Variants in FRMD4B observed in about 807,000 individuals in gnomAD.
FRMD4B encodes the protein FERM domain-containing protein 4B.
In FRMD4B, 74 loss-of-function variants were observed where a neutral mutation model predicts 141.5. The observed-to-expected ratio is 0.52, with a 90% CI of 0.43 to 0.63. The LOEUF is 0.63. Ranked by LOEUF, FRMD4B falls within the 30% of genes least tolerant of loss-of-function variation. The pLI is 0.00. For missense variants in FRMD4B, 1,366 were observed against 1,253.4 expected, an observed-to-expected ratio of 1.09 and a Z score of -1.36; for synonymous variants, 506 against 467.9, an observed-to-expected ratio of 1.08 and a Z score of -1.05.
At chr3:69,320,605 T>G (rs933083440) in intron 1 of FRMD4B, among the ~76,000 whole-genome samples, 3 of 152,182 alleles carry the variant, frequency 2.0e-5, no homozygotes, top group Middle Eastern at 3.4e-3. Context: ...GGAGTTATAT[T>G]TGAAAAGAGC....
At chr3:69,536,449 T>C (rs979205688) in intron 1 of FRMD4B, 3 of 705,726 alleles carry the variant, frequency 4.3e-6, no homozygotes, top group Non-Finnish European at 7.8e-6. Context: ...CGTTGGGTAC[T>C]TGTGCAGGAT....
intron 1 of FRMD4B, among the ~76,000 whole-genome samples, chr3:69,338,215 C>A (rs1702618490): frequency 6.6e-6 from 1 of 152,102 alleles, no homozygotes; most frequent in African/African-American, 2.4e-5. Flanking sequence ...GGACAAAAAA[C>A]CAAACTCCAC....
At chr3:69,450,740 G>C (rs1393876853) in intron 1 of FRMD4B, among the ~76,000 whole-genome samples, 1 of 151,118 alleles carries the variant, frequency 6.6e-6, no homozygotes, top group Non-Finnish European at 1.5e-5. Flanking sequence ...GGCGACAAGA[G>C]TGAAACTCCA....
intron 1 of FRMD4B, among the ~76,000 whole-genome samples, chr3:69,354,241 T>C (rs1017513680): frequency 1.3e-5 from 2 of 152,180 alleles, no homozygotes; most frequent in Non-Finnish European, 2.9e-5. Flanking sequence ...AATGAAATCA[T>C]TACTATTGAA....
chr3:69,525,359 C>G (rs1217337278), intron 1 of FRMD4B, among the ~76,000 whole-genome samples: 1 of 152,106 alleles, frequency 6.6e-6, no homozygotes, highest in Non-Finnish European at 1.5e-5. Flanking sequence ...ACTCTGGCTC[C>G]TCCCTCTGGA....
chr3:69,372,019 C>T (rs964067590), intron 1 of FRMD4B, among the ~76,000 whole-genome samples: 6 of 152,210 alleles, frequency 3.9e-5, no homozygotes, highest in Non-Finnish European at 5.9e-5. Context: ...AAACCCACCT[C>T]TCATGACCTT....
chr3:69,267,483 C>A (rs2093567934), intron 5 of FRMD4B, among the ~76,000 whole-genome samples: 1 of 151,674 alleles, frequency 6.6e-6, no homozygotes, highest in Non-Finnish European at 1.5e-5. Context: ...AAAACTGTAA[C>A]CTCCACATGG....
intron 1 of FRMD4B, among the ~76,000 whole-genome samples, chr3:69,454,418 G>T (rs1705551704): frequency 6.6e-6 from 1 of 152,208 alleles, no homozygotes; most frequent in African/African-American, 2.4e-5. Flanking sequence ...CACTCCCTCT[G>T]CTTGCTGGGA....
chr3:69,437,793 A>G (rs1232223925), intron 1 of FRMD4B, among the ~76,000 whole-genome samples: 14 of 122,434 alleles, frequency 1.1e-4, no homozygotes, highest in Non-Finnish European at 3.1e-5. Flanking sequence ...CTATATTTAT[A>G]TATATTTATA....
intron 3 of FRMD4B, among the ~76,000 whole-genome samples, chr3:69,307,543 T>C (rs1240983514): frequency 2.0e-5 from 3 of 152,104 alleles, no homozygotes; most frequent in Non-Finnish European, 4.4e-5. Context: ...TTTTGCCGTG[T>C]TGCCCAGGCT....
intron 1 of FRMD4B, among the ~76,000 whole-genome samples, chr3:69,533,653 T>G (rs1701037590): frequency 6.6e-6 from 1 of 152,214 alleles, no homozygotes; most frequent in African/African-American, 2.4e-5. Flanking sequence ...ATCTCCACTT[T>G]GGCCTTTTTT....
chr3:69,273,063 A>G (rs566432389), intron 5 of FRMD4B, among the ~76,000 whole-genome samples: 11 of 152,124 alleles, frequency 7.2e-5, no homozygotes, highest in Admixed American at 1.3e-4. Context: ...TGCTGCCTAC[A>G]TGGTAATTTT....
chr3:69,503,808 C>A (rs1451312516), intron 1 of FRMD4B, among the ~76,000 whole-genome samples: 1 of 152,166 alleles, frequency 6.6e-6, no homozygotes, highest in Non-Finnish European at 1.5e-5. Flanking sequence ...TGTTACCGGG[C>A]AGACCATCCC....
intron 5 of FRMD4B, among the ~76,000 whole-genome samples, chr3:69,267,577 A>G (rs202221028): frequency 4.4e-5 from 2 of 45,374 alleles, no homozygotes; most frequent in African/African-American, 2.1e-4. Flanking sequence ...ATATATATAT[A>G]TGTGTGTGTG....
At chr3:69,495,459 C>G (rs755038117) in intron 1 of FRMD4B, among the ~76,000 whole-genome samples, 10 of 152,176 alleles carry the variant, frequency 6.6e-5, no homozygotes, top group Non-Finnish European at 1.0e-4. Context: ...AGCTTATGCT[C>G]TCTCTCTGCC....
intron 1 of FRMD4B, among the ~76,000 whole-genome samples, chr3:69,531,808 T>C (rs1474445376): frequency 1.3e-5 from 2 of 152,202 alleles, no homozygotes; most frequent in Admixed American, 1.3e-4. Context: ...GAACCACTCA[T>C]TATCTGAACT....
intron 3 of FRMD4B, among the ~76,000 whole-genome samples, chr3:69,309,411 G>A (rs1371558363): frequency 1.3e-5 from 2 of 150,792 alleles, no homozygotes; most frequent in Non-Finnish European, 2.9e-5. Context: ...AAAAGTGTTA[G>A]GATCACAGGT....
At position 69,540,214 on chromosome 3, in the gene FRMD4B, C is replaced by G. The variant is rs185780329; in HGVS notation, c.-129+1992G>C. Among the ~76,000 whole-genome samples, 76 of 151,852 alleles carry G rather than the reference C, an allele frequency of 5.0e-4. 1 individual carries two copies. Among genetic ancestry groups the G allele is most frequent in the Admixed American group, 7.9e-4 (12 of 15,272 alleles). On this transcript the variant is annotated intron_variant, in intron 1 of 5. Coordinates refer to the FRMD4B transcript ENST00000459638. ...AAAAAAAGGAAGAATTGTAGAAACA[C>G]CAATACATCCACCACCTGTCTTGTG...
intron 4 of FRMD4B, among the ~76,000 whole-genome samples, chr3:69,295,293 A>G (rs78944320): frequency 0.012 from 1,828 of 152,220 alleles, 34 homozygotes; most frequent in African/African-American, 0.041. Flanking sequence ...CCAATGCTGA[A>G]GACATTATTT....
Sources: allele counts gnomAD v4.1 joint callset (sites outside exome capture counted in the v4.1 genomes callset), GRCh38; gene constraint gnomAD v4.1.1; transcripts MANE v1.5; gene names NCBI Gene and HGNC (gene_info 2026-07-23, HGNC 2026-07-21).